Variants in TTC6 observed in about 807,000 individuals in gnomAD.
The protein encoded by TTC6 is tetratricopeptide repeat domain 6.
A neutral mutation model predicts 210.4 loss-of-function variants in TTC6; 172 were observed. The ratio of observed to expected loss-of-function variants is 0.82; its 90% CI spans 0.72 to 0.93. The LOEUF is 0.93. Among genes scored for constraint, TTC6 ranks in the 40% least tolerant of loss-of-function variants. TTC6 has a pLI of 0.00. For missense variants in TTC6, 2,414 were observed against 2,318.1 expected, an observed-to-expected ratio of 1.04 and a Z score of -0.85; for synonymous variants, 804 against 819.6, an observed-to-expected ratio of 0.98 and a Z score of 0.32.
At chr14:37,806,996 C>CT (rs1308427996) in intron 22 of TTC6, among the ~76,000 whole-genome samples, 5 of 151,996 alleles carry the variant, frequency 3.3e-5, no homozygotes, top group African/African-American at 4.8e-5. Flanking sequence ...ACGAGAATGT[C>CT]TTTTTTTCAC....
chr14:37,628,456 G>GT (rs1226555102), intron 1 of TTC6, among the ~76,000 whole-genome samples: 9 of 151,806 alleles, frequency 5.9e-5, no homozygotes, highest in Admixed American at 2.6e-4. Context: ...TGATGGGGTT[G>GT]TTTTTTTTCC....
At chr14:37,695,086 C>A (rs1267625765) in intron 3 of TTC6, among the ~76,000 whole-genome samples, 2 of 137,720 alleles carry the variant, frequency 1.5e-5, no homozygotes, top group Admixed American at 7.4e-5. Context: ...TCATTTGCAA[C>A]AACATGGAAG....
intron 11 of TTC6, 92 bp downstream of exon 13, chr14:37,749,493 G>T: frequency 7.8e-7 from 1 of 1,286,652 alleles, no homozygotes; most frequent in Non-Finnish European, 1.0e-6. Flanking sequence ...AACAATGAAT[G>T]TTTATAGTAT....
intron 14 of TTC6, among the ~76,000 whole-genome samples, chr14:37,773,968 C>A (rs919455303): frequency 6.6e-6 from 1 of 152,098 alleles, no homozygotes; most frequent in Non-Finnish European, 1.5e-5. Context: ...TTGTAGAGAT[C>A]TTTCACCTCC....
At position 37,796,278 on chromosome 14, in the gene TTC6, C is replaced by T. The variant is rs770869173; in HGVS notation, c.3792-16C>T. On this transcript the variant is annotated splice_polypyrimidine_tract_variant and intron_variant, in intron 18 of 30. Coordinates refer to ENST00000553443, the Ensembl canonical transcript of TTC6. ...ATTTTTAGCTGCTTAGAATCAAAATCGATTATTTCTTCCAGAGGACAATAT... is the reference window on the plus strand; with the variant it reads ...ATTTTTAGCTGCTTAGAATCAAAATTGATTATTTCTTCCAGAGGACAATAT... The T allele has an allele frequency of 7.9e-6, 9 of 1,139,694 alleles. No homozygotes were observed. In the Admixed American group the frequency reaches 1.0e-4, roughly 13 times the overall value. 70.6% of individuals were successfully genotyped at this position (1,139,694 alleles called of 1,614,324 possible).
At chr14:37,831,100 G>T (rs1373230266) in intron 29 of TTC6, among the ~76,000 whole-genome samples, 1 of 151,758 alleles carries the variant, frequency 6.6e-6, no homozygotes. Context: ...CCAGCCAATT[G>T]TAACCATCAT....
At chr14:37,680,097 G>A in intron 1 of TTC6, 54 bp from the exon 4 acceptor site, 1 of 1,006,378 alleles carries the variant, frequency 9.9e-7, no homozygotes, top group Non-Finnish European at 1.5e-6. Flanking sequence ...AATGAATAAT[G>A]TGCTTCAATG....
At chr14:37,627,434 C>G (rs972197717) in intron 1 of TTC6, among the ~76,000 whole-genome samples, 3 of 152,028 alleles carry the variant, frequency 2.0e-5, no homozygotes, top group African/African-American at 7.3e-5. Context: ...GGTATTTCTT[C>G]TAATGCTATC....
intron 5 of TTC6, 56 bp from the exon 8 acceptor site, chr14:37,714,599 C>G (rs975207111): frequency 1.4e-6 from 2 of 1,446,102 alleles, no homozygotes; most frequent in Non-Finnish European, 1.9e-6. Context: ...AGGGCAAACA[C>G]CTTATACTTT....
At chr14:37,657,052 A>G (rs772142753) in intron 1 of TTC6, among the ~76,000 whole-genome samples, 4 of 151,972 alleles carry the variant, frequency 2.6e-5, no homozygotes, top group Admixed American at 6.6e-5. Flanking sequence ...TCTATTAAAA[A>G]TACTAAAAAA....
chr14:37,746,821 GTC>G lies in TTC6; in HGVS notation c.2364-2115_2364-2114del, dbSNP rs552728925. Among the ~76,000 whole-genome samples the G allele has an allele frequency of 9.2e-5, 14 of 152,278 alleles. No individual in the cohort carries two copies. The South Asian group carries it at 2.9e-3, about 32-fold the overall frequency. ...AAACTTATGCAGGAGAGGACTGAGAGTCTCAGTTGGGGTATCTGACAATTCCT... is the reference window on the plus strand; with the variant it reads ...AAACTTATGCAGGAGAGGACTGAGAGTCAGTTGGGGTATCTGACAATTCCT... On this transcript the variant is annotated intron_variant, in intron 10 of 30. Coordinates refer to ENST00000553443, the Ensembl canonical transcript of TTC6.
intron 14 of TTC6, among the ~76,000 whole-genome samples, chr14:37,762,024 C>CT (rs1295484809): frequency 1.3e-5 from 2 of 152,168 alleles, no homozygotes; most frequent in Non-Finnish European, 2.9e-5. Flanking sequence ...GTTCTACTCG[C>CT]TGCCTCTATA....
chr14:37,827,785 C>T (rs775129621), intron 29 of TTC6: 1 of 153,644 alleles, frequency 6.5e-6, no homozygotes, highest in Non-Finnish European at 1.4e-5. Context: ...GATATTTTAT[C>T]CTTCTTTCCC....
exon 1 of TTC6, chr14:37,622,296 T>A (rs1244857176): frequency 1.3e-6 from 2 of 1,534,744 alleles, no homozygotes; most frequent in African/African-American, 2.7e-5. Context: ...AAGATACCCT[T>A]CGCTTAAAGG....
chr14:37,600,826 AG>A, intron 1 of TTC6, among the ~76,000 whole-genome samples: 1 of 152,298 alleles, frequency 6.6e-6, no homozygotes, highest in East Asian at 1.9e-4. Context: ...TGGGACTTCC[AG>A]CAGCTATTCC....
intron 10 of TTC6, among the ~76,000 whole-genome samples, chr14:37,744,199 A>G (rs1190574914): frequency 6.6e-6 from 1 of 152,194 alleles, no homozygotes; most frequent in Non-Finnish European, 1.5e-5. Context: ...TGCAACATAC[A>G]TTTATTGAGC....
At chr14:37,744,965 C>G (rs1459251103) in intron 10 of TTC6, among the ~76,000 whole-genome samples, 1 of 151,852 alleles carries the variant, frequency 6.6e-6, no homozygotes, top group African/African-American at 2.4e-5. Context: ...GAAATAGGGA[C>G]AACAGGATTT....
At chr14:37,621,478 T>C (rs770834690), upstream of TTC6, among the ~76,000 whole-genome samples, 23 of 152,096 alleles carry the variant, frequency 1.5e-4, no homozygotes, top group Non-Finnish European at 2.8e-4. Flanking sequence ...GGATGTGGTG[T>C]ACCACATTTG....
At chr14:37,766,663 A>G (rs2139142111) in intron 14 of TTC6, among the ~76,000 whole-genome samples, 1 of 152,308 alleles carries the variant, frequency 6.6e-6, no homozygotes, top group East Asian at 1.9e-4. Context: ...AAATTGCTTC[A>G]GTGAACATAC....
Sources: gnomAD v4.1 joint callset for allele counts (sites outside exome capture counted in the v4.1 genomes callset) on GRCh38, gnomAD v4.1.1 for gene constraint, MANE v1.5 for transcripts, NCBI Gene and HGNC (gene_info 2026-07-23, HGNC 2026-07-21) for gene names.